Variants in SIK2 observed in about 807,000 individuals in gnomAD.
The protein encoded by SIK2 is serine/threonine-protein kinase SIK2.
Under a neutral mutation model 103.2 loss-of-function variants are expected in SIK2, and 29 were observed. The ratio of observed to expected loss-of-function variants is 0.28; its 90% CI spans 0.21 to 0.38. The LOEUF is 0.38. Among genes scored for constraint, SIK2 ranks in the 10% least tolerant of loss-of-function variants. SIK2 has a pLI of 1.00. For missense variants in SIK2, 879 were observed against 1,171.0 expected (o/e 0.75, Z 3.64); for synonymous variants, 412 against 446.1 (o/e 0.92, Z 0.96).
chr11:111,725,858 T>A lies in SIK2; in HGVS notation c.*1729T>A, dbSNP rs1421485611. The A allele has an allele frequency of 1.3e-5, 2 of 152,436 alleles. No individual in the cohort carries two copies. Among genetic ancestry groups the A allele is most frequent in the Non-Finnish European group, 2.9e-5 (2 of 68,042 alleles). The allele number at this position is 152,436 out of a possible 1,614,324, so 9.4% of individuals were successfully genotyped here. A position where few individuals can be genotyped will look rare whatever the true frequency, so the allele number is the denominator to read the frequency against. On this transcript the variant is annotated 3_prime_UTR_variant, in exon 15 of 15. Transcript: ENST00000304987. ...GCGCTCACCATGGGTGCCAGGATGC[T>A]TCGCAGAGGCACTGTGCTCACGGTT...
chr11:111,657,176 A>G (rs558412091), intron 3 of SIK2, among the ~76,000 whole-genome samples: 7 of 152,194 alleles, frequency 4.6e-5, no homozygotes, highest in African/African-American at 7.2e-5. Context: ...TTGAAGGACT[A>G]TTGAAAATAT....
chr11:111,686,135 T>C (rs1175503679), intron 3 of SIK2, among the ~76,000 whole-genome samples: 2 of 152,154 alleles, frequency 1.3e-5, no homozygotes, highest in African/African-American at 4.8e-5. Flanking sequence ...ATTGTATAAA[T>C]GTTAGTAAAT....
At chr11:111,715,769 C>T (rs187870008) in intron 9 of SIK2, among the ~76,000 whole-genome samples, 206 of 148,602 alleles carry the variant, frequency 1.4e-3, no homozygotes, top group Non-Finnish European at 1.6e-3. Flanking sequence ...CATACATATA[C>T]ACGCACACTT....
At chr11:111,622,292 G>A (rs1591591480) in intron 3 of SIK2, among the ~76,000 whole-genome samples, 1 of 106,924 alleles carries the variant, frequency 9.4e-6, no homozygotes, top group East Asian at 2.7e-4. Flanking sequence ...GTCTTGCTCT[G>A]TCGCCCAGGC....
chr11:111,716,397 C>A (rs2135959391), intron 9 of SIK2, among the ~76,000 whole-genome samples: 1 of 148,002 alleles, frequency 6.8e-6, no homozygotes, highest in South Asian at 2.2e-4. Flanking sequence ...GCCAACATGG[C>A]AAAACCCCAA....
In SIK2 at chr11:111,719,794, A is replaced by T; in HGVS notation, c.1286A>T (p.Asp429Val). ...DTPKVNGCLL[D>V]PVPPVLVRKG... is the part of the protein sequence containing the mutation. ...GTTTAGGTCAATGGCTGTCTGCTTG[A>T]CCCTGTGCCTCCTGTCCTGGTGCGG... The change falls in exon 10 of 15, where the codon GAC (aspartate) becomes GTC (valine). Residue 429 changes from aspartate (D) to valine (V), a missense_variant. Physicochemically the swap from Asp to Val is radical, Grantham distance 152. Coordinates refer to ENST00000304987, the MANE Select transcript of SIK2 (RefSeq NM_015191.3). The T allele has an allele frequency of 6.2e-7, 1 of 1,613,538 alleles. No individual in the cohort carries two copies. The highest frequency in any genetic ancestry group is 8.5e-7 in the Non-Finnish European group (1 of 1,179,910).
intron 1 of SIK2, among the ~76,000 whole-genome samples, chr11:111,611,482 A>G (rs1033510967): frequency 6.6e-6 from 1 of 152,136 alleles, no homozygotes; most frequent in Non-Finnish European, 1.5e-5. Flanking sequence ...TTTAATCTTT[A>G]TAAATATAAT....
intron 8 of SIK2, among the ~76,000 whole-genome samples, chr11:111,711,048 AG>A (rs1461337923): frequency 6.6e-6 from 1 of 152,198 alleles, no homozygotes; most frequent in Non-Finnish European, 1.5e-5. Flanking sequence ...TGGTGATGAA[AG>A]GATCATTCAG....
At chr11:111,615,070 C>T (rs564877513) in intron 1 of SIK2, among the ~76,000 whole-genome samples, 3 of 151,914 alleles carry the variant, frequency 2.0e-5, no homozygotes, top group East Asian at 1.9e-4. Flanking sequence ...ACCCAGGAGG[C>T]GGAGGTTGCA....
intron 10 of SIK2, among the ~76,000 whole-genome samples, chr11:111,720,257 C>G (rs538257252): frequency 6.6e-6 from 1 of 152,142 alleles, no homozygotes; most frequent in Non-Finnish European, 1.5e-5. Flanking sequence ...GACTCTGGCT[C>G]TTTTGGACTG....
At chr11:111,606,129 A>G (rs1346187684) in intron 1 of SIK2, among the ~76,000 whole-genome samples, 5 of 152,224 alleles carry the variant, frequency 3.3e-5, no homozygotes, top group Non-Finnish European at 7.3e-5. Context: ...ACTATACAGT[A>G]TTAGGAAATA....
intron 3 of SIK2, among the ~76,000 whole-genome samples, chr11:111,670,320 G>T (rs1480724622): frequency 1.3e-5 from 2 of 152,206 alleles, no homozygotes; most frequent in Non-Finnish European, 2.9e-5. Flanking sequence ...TACTGTGAAT[G>T]AAATATTTGT....
At chr11:111,693,098 C>T (rs1208242910) in intron 4 of SIK2, among the ~76,000 whole-genome samples, 2 of 152,050 alleles carry the variant, frequency 1.3e-5, no homozygotes, top group Non-Finnish European at 2.9e-5. Context: ...CTTTGAGGGG[C>T]CAAGGTGGGC....
At chr11:111,607,671 G>A (rs529796415) in intron 1 of SIK2, among the ~76,000 whole-genome samples, 1 of 152,102 alleles carries the variant, frequency 6.6e-6, no homozygotes, top group African/African-American at 2.4e-5. Flanking sequence ...AAATAAAATT[G>A]TATTTGTCAT....
chr11:111,645,954 T>C (rs563007295), intron 3 of SIK2, among the ~76,000 whole-genome samples: 17 of 152,180 alleles, frequency 1.1e-4, no homozygotes, highest in African/African-American at 4.1e-4. Flanking sequence ...ACCTTCATGG[T>C]GGTTATGTAG....
At chr11:111,627,285 A>G (rs1377942789) in intron 3 of SIK2, among the ~76,000 whole-genome samples, 1 of 152,122 alleles carries the variant, frequency 6.6e-6, no homozygotes, top group Non-Finnish European at 1.5e-5. Context: ...CCCCTATCAG[A>G]GGGGACTTTC....
chr11:111,723,770 C>G lies in SIK2; in HGVS notation c.2422C>G (p.Pro808Ala), dbSNP rs780442591. 2 of 1,614,028 alleles carry G rather than the reference C, an allele frequency of 1.2e-6. No homozygotes were observed. The highest frequency in any genetic ancestry group is 1.3e-5 in the African/African-American group (1 of 75,050). The change falls in exon 15 of 15, where the codon CCC becomes GCC. Residue 808 changes from proline (P) to alanine (A), a missense_variant. Pro to Ala is a conservative substitution (Grantham distance 27). Around this residue, in one of 7 missense-constraint regions of SIK2, gnomAD observed 375 missense variants for 416.3 expected, o/e 0.90. Transcript: ENST00000304987. ...QLQPLPSTSG[P>A]RAAPPLPTQL... is the part of the protein sequence containing the mutation. ...TCAGCCCCTGCCCTCCACTTCCGGT[C>G]CCCGGGCTGCTCCTCCTCTGCCCAC... is the stretch of plus-strand genomic sequence containing the variant.
At chr11:111,605,071 T>C (rs1340576072) in intron 1 of SIK2, among the ~76,000 whole-genome samples, 1 of 151,918 alleles carries the variant, frequency 6.6e-6, no homozygotes, top group Non-Finnish European at 1.5e-5. Flanking sequence ...CGAGCGATTC[T>C]CCTGCCTCAC....
At chr11:111,623,688 G>A (rs1451204386) in intron 3 of SIK2, among the ~76,000 whole-genome samples, 1 of 152,210 alleles carries the variant, frequency 6.6e-6, no homozygotes, top group Non-Finnish European at 1.5e-5. Flanking sequence ...CTGGCTTTGT[G>A]TAAGCACCAG....
Sources: gnomAD v4.1 joint callset for allele counts (sites outside exome capture counted in the v4.1 genomes callset) on GRCh38, gnomAD v4.1.1 for gene constraint, gnomAD v4.1.1 regional missense constraint, MANE v1.5 for transcripts, NCBI Gene and HGNC (gene_info 2026-07-23, HGNC 2026-07-21) for gene names.